RO60: variants seen among roughly 807,000 people sequenced by gnomAD.
The protein encoded by RO60 is RNA-binding protein RO60.
In RO60, 20 loss-of-function variants were observed where a neutral mutation model predicts 55.3. The ratio of observed to expected loss-of-function variants is 0.36; its 90% CI spans 0.25 to 0.53. The LOEUF (loss-of-function observed/expected upper bound fraction) is 0.53. Among genes scored for constraint, RO60 ranks in the 20% least tolerant of loss-of-function variants. The pLI, the probability that RO60 is intolerant of heterozygous loss-of-function variation, is 0.92. For missense variants in RO60, 558 were observed against 646.6 expected (o/e 0.86, Z 1.49); for synonymous variants, 213 against 213.6 (o/e 1.00, Z 0.02).
chr1:193,076,236 C>T (rs1673908190), intron 3 of RO60, among the ~76,000 whole-genome samples, 196 bp downstream of exon 3: 1 of 152,014 alleles, frequency 6.6e-6, no homozygotes. Flanking sequence ...GTTAGTTTCA[C>T]TCCAGAAAAT....
intron 1 of RO60, chr1:193,060,385 C>T (rs574213294): frequency 8.2e-6 from 2 of 242,772 alleles, no homozygotes; most frequent in African/African-American, 2.3e-5. Context: ...CTAAATTGCC[C>T]TCATTCAGCA....
chr1:193,068,597 G>A (rs988912074), intron 1 of RO60, among the ~76,000 whole-genome samples: 21 of 152,110 alleles, frequency 1.4e-4, no homozygotes, highest in Admixed American at 9.8e-4. Flanking sequence ...TTTATTCTCT[G>A]TGTGGGCCTC....
intron 6 of RO60, among the ~76,000 whole-genome samples, chr1:193,081,743 A>G (rs928955517): frequency 1.3e-5 from 2 of 152,140 alleles, no homozygotes; most frequent in African/African-American, 4.8e-5. Flanking sequence ...TAGGAAGTAG[A>G]TAATGCTTAG....
chr1:193,077,797 A>G (rs1674030225), intron 5 of RO60, among the ~76,000 whole-genome samples: 1 of 152,202 alleles, frequency 6.6e-6, no homozygotes, highest in Non-Finnish European at 1.5e-5. Flanking sequence ...AACATTGGGG[A>G]TTACAGTGAA....
At chr1:193,077,523 A>G (rs1201551437) in intron 5 of RO60, among the ~76,000 whole-genome samples, 4 of 152,234 alleles carry the variant, frequency 2.6e-5, no homozygotes, top group African/African-American at 4.8e-5. Context: ...TAAGGGGGGA[A>G]GCTCCTTATA....
chr1:193,080,009 T>TA (rs1022960707), intron 5 of RO60, among the ~76,000 whole-genome samples: 7 of 150,750 alleles, frequency 4.6e-5, no homozygotes, highest in African/African-American at 1.7e-4. Flanking sequence ...CGGGCGCCTG[T>TA]AATCCCAGCT....
At chr1:193,068,793 A>G (rs998269443) in intron 1 of RO60, among the ~76,000 whole-genome samples, 1 of 152,242 alleles carries the variant, frequency 6.6e-6, no homozygotes, top group African/African-American at 2.4e-5. Context: ...TTAAAAACTG[A>G]AGATATTACT....
In RO60 at chr1:193,074,068, C is replaced by T. The variant is rs552642779; in HGVS notation, c.581-1752C>T. 2.5e-4 allele frequency among the ~76,000 whole-genome samples: 38 copies of T among 152,284 alleles called. No homozygotes were observed. In the South Asian group the frequency reaches 6.2e-3, roughly 25 times the overall value. On this transcript the variant is annotated intron_variant, in intron 2 of 8. Coordinates refer to ENST00000400968, the MANE Select transcript of RO60 (RefSeq NM_001173524.2). ...CATGTCCCTACAAAGGACATGAACT[C>T]ATCCTTTTTATGGCTGCATAGTATT...
intron 1 of RO60, among the ~76,000 whole-genome samples, chr1:193,064,914 T>G (rs1195437532): frequency 6.6e-6 from 1 of 152,222 alleles, no homozygotes; most frequent in African/African-American, 2.4e-5. Flanking sequence ...ATACCTAATA[T>G]TAAATATGTT....
intron 5 of RO60, among the ~76,000 whole-genome samples, chr1:193,081,016 TTTATG>T (rs1173718477): frequency 2.0e-5 from 3 of 152,170 alleles, no homozygotes; most frequent in African/African-American, 4.8e-5. Flanking sequence ...AAAGGTCAAA[TTTATG>T]TTATATTTTA....
rs1190319898 is a variant in RO60, at chr1:193,089,650, CGAT to C, written c.*4923_*4925del. 11 of 151,828 alleles carry C rather than the reference CGAT, an allele frequency of 7.2e-5. No homozygotes were observed. Among genetic ancestry groups the C allele is most frequent in the African/African-American group, 2.7e-4 (11 of 41,346 alleles). 9.4% of individuals were successfully genotyped at this position (151,828 alleles called of 1,614,324 possible). A position where few individuals can be genotyped will look rare whatever the true frequency, so the allele number is the denominator to read the frequency against. On this transcript the variant is annotated 3_prime_UTR_variant, in exon 9 of 9. Coordinates refer to ENST00000400968, the MANE Select transcript of RO60 (RefSeq NM_001173524.2). The stretch of plus-strand genomic sequence containing the variant: ...TTAGAAAATTCTATTGTGGAAATTA[CGAT>C]GATTATTTTCAGTGAGAATGAATTT...
chr1:193,083,603 G>A (rs1200278632), intron 8 of RO60, among the ~76,000 whole-genome samples: 2 of 152,128 alleles, frequency 1.3e-5, no homozygotes, highest in East Asian at 1.9e-4. Context: ...CCTCACCTGC[G>A]ACCGTATTAG....
chr1:193,072,828 A>G (rs1337213740), intron 2 of RO60, among the ~76,000 whole-genome samples: 1 of 152,158 alleles, frequency 6.6e-6, no homozygotes, highest in African/African-American at 2.4e-5. Flanking sequence ...GGTCTATATA[A>G]TGAGGAATTA....
chr1:193,084,483 C>A, intron 8 of RO60, 96 bp from the exon 9 acceptor site: 1 of 1,355,416 alleles, frequency 7.4e-7, no homozygotes, highest in Non-Finnish European at 9.7e-7. Flanking sequence ...ATTTAAAAAG[C>A]TCTGGTAGAG....
At chr1:193,068,333 C>CT (rs1673256409) in intron 1 of RO60, among the ~76,000 whole-genome samples, 1 of 152,198 alleles carries the variant, frequency 6.6e-6, no homozygotes, top group Admixed American at 6.5e-5. Flanking sequence ...ACCCACCAAT[C>CT]TATGTTTCAA....
chr1:193,074,672 A>G (rs1281429966), intron 2 of RO60, among the ~76,000 whole-genome samples: 2 of 152,054 alleles, frequency 1.3e-5, no homozygotes, highest in African/African-American at 2.4e-5. Context: ...ATTTTCTCCC[A>G]TTCTGTAGGT....
At chr1:193,065,330 T>A (rs578212215) in intron 1 of RO60, among the ~76,000 whole-genome samples, 17 of 152,224 alleles carry the variant, frequency 1.1e-4, no homozygotes, top group African/African-American at 4.1e-4. Flanking sequence ...GGAAAAGAAT[T>A]TGAGGGGAGA....
chr1:193,086,162 C>T lies in RO60; in HGVS notation c.*1431C>T, dbSNP rs957016134. On this transcript the variant is annotated 3_prime_UTR_variant, in exon 9 of 9. Coordinates refer to ENST00000400968, the MANE Select transcript of RO60 (RefSeq NM_001173524.2). ...AATGTAAATTATAGCCTTTTAGGTG[C>T]TTGGGGGTTAGAGGGTTTATGTTTT... 3.2e-5 allele frequency: 15 copies of T among 462,916 alleles called. No individual in the cohort carries two copies. The highest frequency in any genetic ancestry group is 4.2e-5 in the Non-Finnish European group (15 of 353,254). The allele number at this position is 462,916 out of a possible 1,614,324, so 28.7% of individuals were successfully genotyped here.
At chr1:193,077,676 G>T (rs184208474) in intron 5 of RO60, among the ~76,000 whole-genome samples, 2 of 152,242 alleles carry the variant, frequency 1.3e-5, no homozygotes, top group African/African-American at 4.8e-5. Context: ...TGAGATTTGG[G>T]TGGGGACACA....
Sources: allele counts gnomAD v4.1 joint callset (sites outside exome capture counted in the v4.1 genomes callset), GRCh38; gene constraint gnomAD v4.1.1; transcripts MANE v1.5; gene names NCBI Gene and HGNC (gene_info 2026-07-23, HGNC 2026-07-21).